Variants in SNX13 observed in about 807,000 individuals in gnomAD.
The protein encoded by SNX13 is sorting nexin 13.
SNX13 carries 45 observed loss-of-function variants against 133.6 expected under a neutral mutation model. The ratio of observed to expected loss-of-function variants is 0.34; its 90% CI spans 0.27 to 0.43. The LOEUF (loss-of-function observed/expected upper bound fraction) is 0.43, where lower values mean the gene tolerates loss of function less well. SNX13 is among the 20% of genes least tolerant of loss of function. The probability of loss-of-function intolerance (pLI) is 1.00; values close to 1 mark genes in which losing one functional copy is unlikely to be tolerated. For synonymous variants in SNX13, 414 were observed against 373.9 expected, an observed-to-expected ratio of 1.11 and a Z score of -1.24; for missense variants, 1,032 against 1,145.1, an observed-to-expected ratio of 0.90 and a Z score of 1.43.
At position 17,834,869 on chromosome 7, in the gene SNX13, A is replaced by C. The variant is rs1456805743; in HGVS notation, c.1360-4T>G. The C allele has an allele frequency of 6.5e-7, 1 of 1,538,262 alleles. No individual in the cohort carries two copies. Among genetic ancestry groups the C allele is most frequent in the South Asian group, 1.1e-5 (1 of 87,786 alleles). ...CAACAGTAACTCTTGGAGATGCCTAACAGAGAAAAATAATAGTAATGATCT... is the reference window on the plus strand; with the variant it reads ...CAACAGTAACTCTTGGAGATGCCTACCAGAGAAAAATAATAGTAATGATCT... On this transcript the variant is annotated splice_region_variant and splice_polypyrimidine_tract_variant and intron_variant, in intron 13 of 25. Transcript: ENST00000428135.
intron 9 of SNX13, among the ~76,000 whole-genome samples, chr7:17,867,354 C>A (rs1368535564): frequency 6.6e-6 from 1 of 152,198 alleles, no homozygotes; most frequent in African/African-American, 2.4e-5. Flanking sequence ...CACCTGTAAT[C>A]CCAGCACTTC....
chr7:17,830,331 T>C, intron 15 of SNX13: 1 of 984,414 alleles, frequency 1.0e-6, no homozygotes, highest in Non-Finnish European at 1.2e-6. Flanking sequence ...AATGTTTTTA[T>C]TCTCATGGTA....
intron 12 of SNX13, among the ~76,000 whole-genome samples, chr7:17,844,627 T>TATAG (rs1228919644): frequency 6.6e-6 from 1 of 151,772 alleles, no homozygotes; most frequent in Non-Finnish European, 1.5e-5. Flanking sequence ...TCCTTATAAA[T>TATAG]ATAGATGTAA....
At position 17,798,693 on chromosome 7, in the gene SNX13, A is replaced by C; in HGVS notation, c.2510T>G (p.Phe837Cys). Reference protein sequence around the residue: ...PEQVADSVKRFRDAFWPNGIL... With the variant: ...PEQVADSVKRCRDAFWPNGIL... ...GTGACTGTGTCTTAAGATATACCTG[A>C]AACGTTTCACTGAGTCGGCTACTTG... Residue 837 changes from phenylalanine to cysteine, a missense_variant, in exon 24 of 26, where the codon TTC (phenylalanine) becomes TGC (cysteine). By Grantham distance (205) the Phe-to-Cys change is radical. Transcript: ENST00000428135. 3 of 1,575,122 alleles carry C rather than the reference A, an allele frequency of 1.9e-6. No individual in the cohort carries two copies. Among genetic ancestry groups the C allele is most frequent in the South Asian group, 1.2e-5 (1 of 84,830 alleles).
intron 1 of SNX13, among the ~76,000 whole-genome samples, chr7:17,921,831 T>A (rs1049231311): frequency 6.6e-6 from 1 of 152,258 alleles, no homozygotes; most frequent in African/African-American, 2.4e-5. Context: ...CAGTTACTTT[T>A]GAGAACCACC....
At chr7:17,935,061 T>G (rs1801865148) in intron 1 of SNX13, among the ~76,000 whole-genome samples, 1 of 152,172 alleles carries the variant, frequency 6.6e-6, no homozygotes, top group Non-Finnish European at 1.5e-5. Context: ...TGAAAGGATA[T>G]CTGCACTCCC....
chr7:17,885,432 C>T (rs1415887345), intron 5 of SNX13, among the ~76,000 whole-genome samples: 1 of 152,060 alleles, frequency 6.6e-6, no homozygotes, highest in Non-Finnish European at 1.5e-5. Context: ...GAAAGCTGTA[C>T]AATGCTTAAC....
intron 15 of SNX13, chr7:17,831,428 A>G (rs191910642): frequency 1.1e-6 from 1 of 903,896 alleles, no homozygotes; most frequent in East Asian, 1.2e-4. Flanking sequence ...GTAATAATGA[A>G]TAAAGAGAAA....
At chr7:17,923,030 C>T (rs1800303941) in intron 1 of SNX13, among the ~76,000 whole-genome samples, 3 of 152,146 alleles carry the variant, frequency 2.0e-5, no homozygotes, top group South Asian at 2.1e-4. Context: ...TTAGATAGCA[C>T]ATACCACTTT....
chr7:17,908,534 C>A (rs537930988), intron 1 of SNX13, among the ~76,000 whole-genome samples: 3 of 152,328 alleles, frequency 2.0e-5, no homozygotes, highest in Admixed American at 2.0e-4. Flanking sequence ...ACACCTCACA[C>A]TCTTCCCAAA....
chr7:17,881,119 T>C (rs1031486438), intron 5 of SNX13: 3 of 152,186 alleles, frequency 2.0e-5, no homozygotes, highest in African/African-American at 7.2e-5. Flanking sequence ...GTTATGCTCC[T>C]GATGCCACAT....
At chr7:17,838,020 T>C (rs1789354308) in intron 13 of SNX13, among the ~76,000 whole-genome samples, 2 of 151,922 alleles carry the variant, frequency 1.3e-5, no homozygotes, top group South Asian at 2.1e-4. Context: ...GTATATAAAT[T>C]TCTGTTTACT....
intron 24 of SNX13, among the ~76,000 whole-genome samples, 185 bp from the exon 25 acceptor site, chr7:17,797,124 G>T (rs1222176266): frequency 1.3e-5 from 2 of 151,520 alleles, no homozygotes; most frequent in Non-Finnish European, 3.0e-5. Context: ...AATTTTAGGG[G>T]TTCAAAAAAA....
At chr7:17,911,411 G>A (rs113689662) in intron 1 of SNX13, among the ~76,000 whole-genome samples, 1 of 152,120 alleles carries the variant, frequency 6.6e-6, no homozygotes, top group African/African-American at 2.4e-5. Context: ...GGCTAAGGCA[G>A]GCAGATCACT....
chr7:17,870,180 A>G (rs1583558027), intron 8 of SNX13, among the ~76,000 whole-genome samples: 1 of 152,320 alleles, frequency 6.6e-6, no homozygotes, highest in East Asian at 1.9e-4. Flanking sequence ...CATGGGGCCT[A>G]AAAGATACAA....
chr7:17,850,572 T>C (rs2691618), intron 10 of SNX13, 137 bp from the exon 11 acceptor site: 344,317 of 628,514 alleles, frequency 0.55, 96,453 homozygotes, highest in East Asian at 0.7. Flanking sequence ...CATCTGAAAT[T>C]ATACAGTGAA....
chr7:17,806,492 C>T (rs927129977), intron 20 of SNX13, among the ~76,000 whole-genome samples: 19 of 152,046 alleles, frequency 1.2e-4, no homozygotes, highest in African/African-American at 4.3e-4. Context: ...AAGTTGGAAA[C>T]CCCAAATTCT....
rs1325963887 is a variant in SNX13 at position 17,874,396 on chromosome 7, G to C, written c.665-780C>G. Among the ~76,000 whole-genome samples the C allele has an allele frequency of 6.6e-5, 10 of 152,112 alleles. No individual in the cohort carries two copies. In the South Asian group the frequency reaches 1.2e-3, roughly 19 times the overall value. On this transcript the variant is annotated intron_variant, in intron 7 of 25. Coordinates refer to ENST00000428135, the MANE Select transcript of SNX13 (RefSeq NM_015132.5). ...TTGATAAGGGTTATGGTTAACAGTG[G>C]GCTGTTAGTATTTAAGTTTTTGGGG...
chr7:17,844,987 C>A (rs1241690539), intron 12 of SNX13, among the ~76,000 whole-genome samples: 1 of 151,904 alleles, frequency 6.6e-6, no homozygotes, highest in African/African-American at 2.4e-5. Context: ...AGGAACAAGA[C>A]AAAGATTAAG....
Sources: gnomAD v4.1 joint callset for allele counts (sites outside exome capture counted in the v4.1 genomes callset) on GRCh38, gnomAD v4.1.1 for gene constraint, MANE v1.5 for transcripts, NCBI Gene and HGNC (gene_info 2026-07-23, HGNC 2026-07-21) for gene names.